NUMB: variants seen among roughly 807,000 people sequenced by gnomAD.
NUMB encodes the protein protein numb homolog.
A neutral mutation model predicts 59.7 loss-of-function variants in NUMB; 29 were observed. The observed-to-expected ratio is 0.49, with a 90% confidence interval of 0.36 to 0.66. The LOEUF is 0.66. Ranked by LOEUF, NUMB falls within the 30% of genes least tolerant of loss-of-function variation. The pLI, the probability that NUMB is intolerant of heterozygous loss-of-function variation, is 0.00. For synonymous variants in NUMB, 288 were observed against 288.2 expected (o/e 1.00, Z 0.01); for missense variants, 723 against 822.0 (o/e 0.88, Z 1.47).
intron 1 of NUMB, among the ~76,000 whole-genome samples, chr14:73,424,309 C>T (rs1468335582): frequency 6.6e-6 from 1 of 152,180 alleles, no homozygotes; most frequent in Non-Finnish European, 1.5e-5. Context: ...GGGTCAGAAT[C>T]CTAATATGTC....
intron 2 of NUMB, among the ~76,000 whole-genome samples, chr14:73,398,415 A>AGAGTGTGTGTGTGTGTGT (rs1438462148): frequency 8.4e-6 from 1 of 118,804 alleles, no homozygotes; most frequent in East Asian, 2.3e-4. Context: ...AGAGAGAGAG[A>AGAGTGTGTGTGTGTGTGT]GTGTGTGTGT....
chr14:73,362,222 A>G (rs1331594879), intron 3 of NUMB, among the ~76,000 whole-genome samples: 1 of 151,844 alleles, frequency 6.6e-6, no homozygotes, highest in African/African-American at 2.4e-5. Context: ...TTACCACTGC[A>G]CTCCAGCCTA....
chr14:73,417,029 G>A (rs554461884), intron 1 of NUMB, among the ~76,000 whole-genome samples: 41 of 152,000 alleles, frequency 2.7e-4, no homozygotes, highest in African/African-American at 9.9e-4. Flanking sequence ...AACATTGAGA[G>A]GAGTTTGGCT....
chr14:73,281,559 C>T (rs564641922), intron 11 of NUMB: 1 of 152,284 alleles, frequency 6.6e-6, no homozygotes, highest in African/African-American at 2.4e-5. Flanking sequence ...AATGGAGAAA[C>T]AGCAATTATA....
intron 4 of NUMB, among the ~76,000 whole-genome samples, chr14:73,324,804 AC>A (rs1257173782): frequency 6.6e-6 from 1 of 152,160 alleles, no homozygotes; most frequent in Non-Finnish European, 1.5e-5. Flanking sequence ...AATTCAAAGT[AC>A]TATGGAAATG....
chr14:73,278,952 C>A lies in NUMB; in HGVS notation c.1240+329G>T, dbSNP rs552260367. ...TGTTGGCCAGGATGGTCTCCATCTC[C>A]TGACCTCGTGATCCACCCACCTCAG... On this transcript the variant is annotated intron_variant, in intron 12 of 12. Coordinates refer to ENST00000555238, the MANE Select transcript of NUMB (RefSeq NM_001005743.2). 4.6e-5 allele frequency among the ~76,000 whole-genome samples: 7 copies of A among 152,184 alleles called. No homozygotes were observed. The East Asian group carries it at 9.7e-4, about 21-fold the overall frequency.
At chr14:73,383,849 CTACAAAAAA>C (rs1251761568) in intron 2 of NUMB, among the ~76,000 whole-genome samples, 1 of 151,900 alleles carries the variant, frequency 6.6e-6, no homozygotes, top group Non-Finnish European at 1.5e-5. Flanking sequence ...AACCCTGTCT[CTACAAAAAA>C]TACAAAAATT....
chr14:73,383,376 A>G (rs1222370060), intron 2 of NUMB, among the ~76,000 whole-genome samples: 1 of 152,226 alleles, frequency 6.6e-6, no homozygotes, highest in South Asian at 2.1e-4. Flanking sequence ...TGCTTTTAAT[A>G]GCAGACTGAA....
At chr14:73,331,587 T>C (rs533390463) in intron 4 of NUMB, among the ~76,000 whole-genome samples, 1 of 152,194 alleles carries the variant, frequency 6.6e-6, no homozygotes, top group African/African-American at 2.4e-5. Context: ...ATACCTGATA[T>C]GGTTTAGCTC....
At chr14:73,415,000 C>T (rs778219810) in intron 1 of NUMB, among the ~76,000 whole-genome samples, 2 of 152,084 alleles carry the variant, frequency 1.3e-5, no homozygotes, top group East Asian at 1.9e-4. Context: ...GATACAGGTG[C>T]GCTACCACGC....
chr14:73,385,247 C>T (rs1346827369), intron 2 of NUMB, among the ~76,000 whole-genome samples: 1 of 150,718 alleles, frequency 6.6e-6, no homozygotes, highest in Non-Finnish European at 1.5e-5. Context: ...GCAGCCTTGA[C>T]CTCCTGGTCT....
chr14:73,378,369 T>G (rs1470817505), intron 2 of NUMB, among the ~76,000 whole-genome samples: 2 of 152,196 alleles, frequency 1.3e-5, no homozygotes, highest in Non-Finnish European at 2.9e-5. Flanking sequence ...CACATACTCT[T>G]CACATACAAT....
At chr14:73,306,825 T>C (rs1184262971) in intron 6 of NUMB, among the ~76,000 whole-genome samples, 3 of 152,232 alleles carry the variant, frequency 2.0e-5, no homozygotes, top group Non-Finnish European at 4.4e-5. Context: ...TTCTCATTCA[T>C]TCCTTTACGC....
At chr14:73,444,054 C>T (rs752302070) in intron 1 of NUMB, among the ~76,000 whole-genome samples, 4 of 152,152 alleles carry the variant, frequency 2.6e-5, no homozygotes, top group East Asian at 3.9e-4. Context: ...ATTACAGGCA[C>T]GCACCACCTT....
chr14:73,278,430 G>C (rs140368656), intron 12 of NUMB, among the ~76,000 whole-genome samples: 3 of 151,962 alleles, frequency 2.0e-5, no homozygotes, highest in South Asian at 4.1e-4. Flanking sequence ...TGAGGCAGGA[G>C]AGTTGCTTGA....
chr14:73,451,970 A>C (rs1884009035), intron 1 of NUMB, among the ~76,000 whole-genome samples: 1 of 152,194 alleles, frequency 6.6e-6, no homozygotes, highest in Admixed American at 6.5e-5. Flanking sequence ...AAAGAACGTA[A>C]GATAGCCTGA....
At chr14:73,436,720 C>G (rs1234365003) in intron 1 of NUMB, among the ~76,000 whole-genome samples, 1 of 151,960 alleles carries the variant, frequency 6.6e-6, no homozygotes, top group Non-Finnish European at 1.5e-5. Context: ...GTGGCTCACA[C>G]CTGTAATCCC....
chr14:73,276,509 T>C lies in NUMB; in HGVS notation c.*69A>G. The C allele has an allele frequency of 2.4e-6, 3 of 1,244,040 alleles. No homozygotes were observed. Among genetic ancestry groups the C allele is most frequent in the Non-Finnish European group, 3.4e-6 (3 of 878,144 alleles). The allele number at this position is 1,244,040 out of a possible 1,614,324, so 77.1% of individuals were successfully genotyped here. Reference sequence around the variant, plus strand: ...GTACTAATCAGGAGACAAAGTCTGTTTTGCTCCTTTGACCGCTACCCCCTG... The same window carrying C: ...GTACTAATCAGGAGACAAAGTCTGTCTTGCTCCTTTGACCGCTACCCCCTG... On this transcript the variant is annotated 3_prime_UTR_variant, in exon 13 of 13. Transcript: ENST00000555238.
intron 1 of NUMB, among the ~76,000 whole-genome samples, chr14:73,412,117 C>T (rs1030658889): frequency 2.0e-5 from 3 of 151,502 alleles, no homozygotes; most frequent in African/African-American, 7.3e-5. Context: ...TTTATAAAGA[C>T]AATCTCACAC....
Sources: gnomAD v4.1 joint callset for allele counts (sites outside exome capture counted in the v4.1 genomes callset) on GRCh38, gnomAD v4.1.1 for gene constraint, MANE v1.5 for transcripts, NCBI Gene and HGNC (gene_info 2026-07-23, HGNC 2026-07-21) for gene names.